The following LIMCH1 variants were observed in gnomAD, a reference collection of about 807,000 sequenced individuals.
The protein encoded by LIMCH1 is LIM and calponin homology domains-containing protein 1.
A neutral mutation model predicts 176.5 loss-of-function variants in LIMCH1; 113 were observed. That is an observed-to-expected ratio of 0.64 (90% CI 0.55 to 0.75). LIMCH1 has a LOEUF of 0.75. Among genes scored for constraint, LIMCH1 ranks in the 30% least tolerant of loss-of-function variants. The pLI is 0.00. For synonymous variants in LIMCH1, 619 were observed against 645.9 expected (o/e 0.96, Z 0.63); for missense variants, 1,674 against 1,814.9 (o/e 0.92, Z 1.41).
chr4:41,542,707 A>G (rs1296770105), intron 1 of LIMCH1, among the ~76,000 whole-genome samples: 1 of 152,186 alleles, frequency 6.6e-6, no homozygotes, highest in African/African-American at 2.4e-5. Context: ...AATTGTTTCC[A>G]GAAATCCATC....
intron 18 of LIMCH1, among the ~76,000 whole-genome samples, chr4:41,658,674 T>C (rs559503451): frequency 1.4e-4 from 22 of 152,340 alleles, no homozygotes; most frequent in Admixed American, 2.6e-4. Flanking sequence ...AAGTGCATCA[T>C]ATTTAACAGA....
chr4:41,421,597 C>T (rs1194461903), intron 1 of LIMCH1, among the ~76,000 whole-genome samples: 2 of 152,080 alleles, frequency 1.3e-5, no homozygotes, highest in Admixed American at 6.6e-5. Context: ...TTTGCAATGA[C>T]CTGATGTTAC....
Position 41,659,002 on chromosome 4 carries a change from T to A in LIMCH1, c.3037-2418T>A, listed in dbSNP as rs577532189. On this transcript the variant is annotated intron_variant, in intron 18 of 31. Transcript: ENST00000503057. ...TAGATGTCATAAAACAAAAATACCA[T>A]CATGTATTAATATTTCTACATGTGC... Among the ~76,000 whole-genome samples the A allele has an allele frequency of 7.6e-4, 116 of 152,342 alleles. 3 individuals are homozygous for A. The South Asian group carries it at 0.024, about 31-fold the overall frequency.
intron 8 of LIMCH1, among the ~76,000 whole-genome samples, chr4:41,627,636 C>A (rs902754202): frequency 6.6e-6 from 1 of 152,126 alleles, no homozygotes; most frequent in Non-Finnish European, 1.5e-5. Flanking sequence ...CAACATTTTC[C>A]CCGTCCTCTT....
chr4:41,470,486 C>G (rs1264418718), intron 1 of LIMCH1, among the ~76,000 whole-genome samples: 1 of 152,150 alleles, frequency 6.6e-6, no homozygotes, highest in Non-Finnish European at 1.5e-5. Context: ...TATGTGCCCT[C>G]TCTACACACC....
At chr4:41,368,613 C>T (rs371282568) in intron 1 of LIMCH1, among the ~76,000 whole-genome samples, 7 of 152,192 alleles carry the variant, frequency 4.6e-5, no homozygotes, top group African/African-American at 9.6e-5. Context: ...AAAGGGCTTG[C>T]GTTGGATGCT....
chr4:41,659,025 T>A lies in LIMCH1; in HGVS notation c.3037-2395T>A, dbSNP rs140619506. 6.0e-3 allele frequency among the ~76,000 whole-genome samples: 915 copies of A among 152,334 alleles called. 7 individuals are homozygous for A. Among genetic ancestry groups the A allele is most frequent in the African/African-American group, 0.021 (868 of 41,580 alleles). Reference sequence around the variant, plus strand: ...CATCATGTATTAATATTTCTACATGTGCAAGACAGCACTTTGAATTATAAA... The same window carrying A: ...CATCATGTATTAATATTTCTACATGAGCAAGACAGCACTTTGAATTATAAA... On this transcript the variant is annotated intron_variant, in intron 18 of 31. Coordinates refer to ENST00000503057, the MANE Select transcript of LIMCH1 (RefSeq NM_001330672.2).
chr4:41,514,150 C>T (rs962405846), intron 2 of LIMCH1, among the ~76,000 whole-genome samples: 1 of 149,790 alleles, frequency 6.7e-6, no homozygotes, highest in African/African-American at 2.4e-5. Context: ...TAATGTTGCT[C>T]ATTTCATTAA....
chr4:41,602,328 G>A (rs1322639527), intron 2 of LIMCH1, among the ~76,000 whole-genome samples: 1 of 152,002 alleles, frequency 6.6e-6, no homozygotes, highest in East Asian at 1.9e-4. Flanking sequence ...TTGCTCCCGA[G>A]TGTCTCTGTC....
intron 1 of LIMCH1, among the ~76,000 whole-genome samples, chr4:41,401,059 G>T (rs892964309): frequency 6.6e-4 from 100 of 152,210 alleles, no homozygotes; most frequent in African/African-American, 2.3e-3. Flanking sequence ...GTCAATTTTG[G>T]CTTTTGTTGC....
At chr4:41,498,648 T>C (rs958839114) in intron 2 of LIMCH1, among the ~76,000 whole-genome samples, 5 of 152,206 alleles carry the variant, frequency 3.3e-5, no homozygotes, top group African/African-American at 1.2e-4. Context: ...ACAGTGTCCT[T>C]GATGACTTAC....
chr4:41,360,779 T>A, upstream of LIMCH1: 1 of 1,321,122 alleles, frequency 7.6e-7, no homozygotes. The surrounding 1 kb of genome is among the most constrained non-coding windows in gnomAD (Gnocchi z 4.5). Flanking sequence ...AGCGCGCTCC[T>A]GCGGCGGCGA....
At chr4:41,657,586 G>C (rs1362930853) in intron 18 of LIMCH1, among the ~76,000 whole-genome samples, 1 of 152,184 alleles carries the variant, frequency 6.6e-6, no homozygotes. Flanking sequence ...CTTTTTCTCA[G>C]TGTGTATAAA....
At chr4:41,388,475 G>C (rs1193957027) in intron 1 of LIMCH1, among the ~76,000 whole-genome samples, 2 of 152,216 alleles carry the variant, frequency 1.3e-5, no homozygotes, top group East Asian at 3.8e-4. Context: ...GGCTGCAGAT[G>C]GGTGTAACCA....
At position 41,619,351 on chromosome 4, in the gene LIMCH1, G is replaced by T; in HGVS notation, c.369G>T (p.Ala123=). 1 of 1,614,132 alleles carries T rather than the reference G, an allele frequency of 6.2e-7. No homozygotes were observed. Among genetic ancestry groups the T allele is most frequent in the Non-Finnish European group, 8.5e-7 (1 of 1,180,024 alleles). The change falls in exon 6 of 32, where the codon GCG becomes GCT. Residue 123 remains alanine (A), a synonymous_variant. Coordinates refer to ENST00000503057, the MANE Select transcript of LIMCH1 (RefSeq NM_001330672.2). Reference sequence around the variant, plus strand: ...GCAATCAGACGGCCTACGTCCCCGCGCCTCTGAGAAAGAAGAAAGCAGAGA... The same window carrying T: ...GCAATCAGACGGCCTACGTCCCCGCTCCTCTGAGAAAGAAGAAAGCAGAGA... ...NKSNQTAYVP[A]PLRKKKAERE...
At chr4:41,689,488 A>C in intron 29 of LIMCH1, 39 bp from the exon 30 acceptor site, 1 of 1,143,310 alleles carries the variant, frequency 8.7e-7, no homozygotes, top group Non-Finnish European at 1.3e-6. Context: ...AGGTATTCTA[A>C]ACTGAAGTTT....
At chr4:41,573,220 A>G (rs934935515) in intron 1 of LIMCH1, among the ~76,000 whole-genome samples, 3 of 152,254 alleles carry the variant, frequency 2.0e-5, no homozygotes, top group African/African-American at 7.2e-5. Context: ...GTCACTGGAA[A>G]AAACCAATAG....
intron 2 of LIMCH1, among the ~76,000 whole-genome samples, chr4:41,507,238 C>G (rs1187139228): frequency 1.3e-5 from 2 of 152,166 alleles, no homozygotes; most frequent in East Asian, 3.8e-4. Flanking sequence ...CCCAGTATAT[C>G]TTCAGACTCT....
chr4:41,445,284 G>A (rs768699052), intron 1 of LIMCH1, among the ~76,000 whole-genome samples: 1 of 152,180 alleles, frequency 6.6e-6, no homozygotes, highest in African/African-American at 2.4e-5. Flanking sequence ...GATTACAGGC[G>A]TGAGCCACAG....
Sources: gnomAD v4.1 joint callset for allele counts (sites outside exome capture counted in the v4.1 genomes callset) on GRCh38, gnomAD v4.1.1 for gene constraint, Gnocchi (gnomAD v3.1) non-coding constraint, MANE v1.5 for transcripts, NCBI Gene and HGNC (gene_info 2026-07-23, HGNC 2026-07-21) for gene names.